PUDP: variants seen among roughly 807,000 people sequenced by gnomAD.
PUDP encodes the protein pseudouridine 5'-phosphatase.
PUDP carries 8 observed loss-of-function variants against 9.4 expected under a neutral mutation model. The ratio of observed to expected loss-of-function variants is 0.85; its 90% CI spans 0.50 to 1.53. The LOEUF is 1.53. Among genes scored for constraint, PUDP ranks in the 40% most tolerant of loss-of-function variants. The pLI is 0.00. For missense variants in PUDP, 188 were observed against 189.7 expected, an observed-to-expected ratio of 0.99 and a Z score of 0.05; for synonymous variants, 99 against 80.7, an observed-to-expected ratio of 1.23 and a Z score of -1.22.
chrX:7,118,504 T>C (rs1455549886), intron 1 of PUDP, among the ~76,000 whole-genome samples: 2 of 112,368 alleles, frequency 1.8e-5, no homozygotes, highest in Non-Finnish European at 3.8e-5. Flanking sequence ...GGTTAAGTAC[T>C]GTACTGCACC....
At chrX:6,983,684 C>T (rs748933692) in intron 1 of PUDP, among the ~76,000 whole-genome samples, 5 of 111,889 alleles carry the variant, frequency 4.5e-5, no homozygotes, top group African/African-American at 9.7e-5. Context: ...GTTCAGCCTA[C>T]GCCCAGTAAT....
intron 3 of PUDP, among the ~76,000 whole-genome samples, chrX:6,827,501 C>T (rs1398675113): frequency 1.8e-5 from 2 of 111,059 alleles, no homozygotes; most frequent in Non-Finnish European, 3.8e-5. Context: ...CGGAGTTTGC[C>T]CTATAGAGAG....
chrX:7,078,256 G>A (rs1304738815), intron 2 of PUDP, among the ~76,000 whole-genome samples: 1 of 112,241 alleles, frequency 8.9e-6, no homozygotes, highest in African/African-American at 3.2e-5. Flanking sequence ...AGCACAACAG[G>A]AACATCTAAA....
intron 1 of PUDP, among the ~76,000 whole-genome samples, chrX:7,133,818 A>G (rs1170879256): frequency 1.8e-5 from 2 of 112,159 alleles, no homozygotes; most frequent in Admixed American, 1.9e-4. Context: ...TCATATAAAG[A>G]TGTTAATTTC....
intron 3 of PUDP, among the ~76,000 whole-genome samples, chrX:6,871,871 C>T (rs1280787309): frequency 4.5e-5 from 5 of 111,879 alleles, no homozygotes; most frequent in Non-Finnish European, 7.5e-5. Context: ...CAACAAAAAA[C>T]CATGAACTGA....
At chrX:7,067,939 C>T (rs1407304741) in intron 3 of PUDP, among the ~76,000 whole-genome samples, 1 of 111,375 alleles carries the variant, frequency 9.0e-6, no homozygotes, top group Non-Finnish European at 1.9e-5. Context: ...TGCATAAGCT[C>T]TCTTTTTGCC....
At chrX:6,925,222 G>C (rs58437500) in intron 3 of PUDP, among the ~76,000 whole-genome samples, 4,404 of 111,868 alleles carry the variant, frequency 0.039, 126 homozygotes, top group African/African-American at 0.099. Context: ...GGCTGAGGCA[G>C]GAGAATCGCC....
At chrX:7,058,947 T>A (rs1372656686) in intron 3 of PUDP, among the ~76,000 whole-genome samples, 3 of 111,351 alleles carry the variant, frequency 2.7e-5, no homozygotes, top group Non-Finnish European at 5.6e-5. Context: ...GAGGTCAGTA[T>A]CCCTTGTGCA....
At chrX:6,733,547 G>T (rs999650275) in intron 3 of PUDP, among the ~76,000 whole-genome samples, 1 of 110,143 alleles carries the variant, frequency 9.1e-6, no homozygotes, top group African/African-American at 3.3e-5. Flanking sequence ...CCAGTCAAAG[G>T]CTCCCTTCGG....
intron 3 of PUDP, among the ~76,000 whole-genome samples, chrX:6,857,445 G>A (rs1926924203): frequency 8.9e-6 from 1 of 112,299 alleles, no homozygotes; most frequent in South Asian, 3.7e-4. Context: ...AAATTATTAT[G>A]ATGATTTTGA....
At chrX:6,927,757 T>C (rs1418901440) in intron 3 of PUDP, among the ~76,000 whole-genome samples, 1 of 111,612 alleles carries the variant, frequency 9.0e-6, no homozygotes, top group African/African-American at 3.3e-5. Context: ...TAGAAGCTTA[T>C]ATACCATCTG....
intron 3 of PUDP, among the ~76,000 whole-genome samples, chrX:6,752,575 A>C (rs983641519): frequency 8.9e-6 from 1 of 112,000 alleles, no homozygotes; most frequent in African/African-American, 3.2e-5. Flanking sequence ...AAATGAAGTA[A>C]AGGTGGCACT....
intron 3 of PUDP, among the ~76,000 whole-genome samples, chrX:6,726,630 TC>T (rs1924741307): frequency 8.9e-6 from 1 of 111,911 alleles, no homozygotes; most frequent in Admixed American, 9.5e-5. Context: ...TTTAACATTT[TC>T]TTCTTCTCAA....
At chrX:6,815,558 T>G (rs1354931504) in intron 3 of PUDP, among the ~76,000 whole-genome samples, 1 of 111,704 alleles carries the variant, frequency 9.0e-6, no homozygotes, top group Non-Finnish European at 1.9e-5. Flanking sequence ...CTTGGCTACC[T>G]TGCCAAATCA....
intron 1 of PUDP, among the ~76,000 whole-genome samples, chrX:7,135,346 T>C (rs961280070): frequency 8.9e-6 from 1 of 112,186 alleles, no homozygotes; most frequent in Non-Finnish European, 1.9e-5. Context: ...CTTTTATTCC[T>C]TTTATAAGCA....
At chrX:6,919,973 T>C (rs1436082364) in intron 3 of PUDP, among the ~76,000 whole-genome samples, 1 of 105,847 alleles carries the variant, frequency 9.4e-6, no homozygotes, top group African/African-American at 3.5e-5. Context: ...TTTAGATGTA[T>C]TAAGATGAAT....
At chrX:6,806,286 G>A (rs1926049064) in intron 3 of PUDP, among the ~76,000 whole-genome samples, 1 of 111,142 alleles carries the variant, frequency 9.0e-6, no homozygotes, top group Non-Finnish European at 1.9e-5. Context: ...CCAAAACTGG[G>A]GGGCCTTTTG....
chrX:6,951,249 CT>C (rs1569129727), intron 3 of PUDP, among the ~76,000 whole-genome samples: 17 of 29,147 alleles, frequency 5.8e-4, no homozygotes, highest in African/African-American at 1.3e-3. Context: ...TCCATCATAT[CT>C]ATCTATCTAT....
At chrX:7,080,448 A>C (rs1388049180) in intron 2 of PUDP, among the ~76,000 whole-genome samples, 2 of 111,708 alleles carry the variant, frequency 1.8e-5, no homozygotes, top group Admixed American at 1.9e-4. Flanking sequence ...ACACCTCTCA[A>C]CTCATTTTAC....
Sources: allele counts gnomAD v4.1 joint callset (sites outside exome capture counted in the v4.1 genomes callset), GRCh38; gene constraint gnomAD v4.1.1; transcripts MANE v1.5; gene names NCBI Gene and HGNC (gene_info 2026-07-23, HGNC 2026-07-21).